FRK: variants seen among roughly 807,000 people sequenced by gnomAD.
FRK encodes the protein tyrosine-protein kinase FRK.
In FRK, 51 loss-of-function variants were observed where a neutral mutation model predicts 56.4. That is an observed-to-expected ratio of 0.90 (90% confidence interval 0.72 to 1.14). FRK has a LOEUF of 1.14. Among genes scored for constraint, FRK ranks in the 50% most tolerant of loss-of-function variants. The pLI is 0.00. For missense variants in FRK, 570 were observed against 601.4 expected (o/e 0.95, Z 0.55); for synonymous variants, 245 against 217.9 (o/e 1.12, Z -1.10).
intron 5 of FRK, among the ~76,000 whole-genome samples, chr6:115,952,479 G>T (rs2114542429): frequency 6.6e-6 from 1 of 152,210 alleles, no homozygotes; most frequent in African/African-American, 2.4e-5. Flanking sequence ...TGGTGGGACT[G>T]TAAACTAGTT....
chr6:116,039,092 G>A (rs1776609821), intron 1 of FRK: 2 of 785,668 alleles, frequency 2.5e-6, no homozygotes, highest in African/African-American at 1.7e-5. Context: ...GCAGAAAGTG[G>A]CCCATGCTCT....
intron 2 of FRK, among the ~76,000 whole-genome samples, chr6:115,995,352 A>G (rs1156677606): frequency 6.6e-6 from 1 of 152,186 alleles, no homozygotes; most frequent in Non-Finnish European, 1.5e-5. Flanking sequence ...GGGGTAGAAT[A>G]TATCATGAAT....
At chr6:116,092,716 C>G in the FRK span, among the ~76,000 whole-genome samples, 1 of 152,178 alleles carries the variant, frequency 6.6e-6, no homozygotes. Flanking sequence ...TCTGCTGCTG[C>G]GTCGGTGAGT....
At chr6:116,011,780 G>T (rs1381799514) in intron 1 of FRK, among the ~76,000 whole-genome samples, 1 of 152,094 alleles carries the variant, frequency 6.6e-6, no homozygotes, top group African/African-American at 2.4e-5. Flanking sequence ...CATGCCCCTT[G>T]AACTATTATG....
At chr6:116,005,385 C>T (rs1775210896) in intron 1 of FRK, among the ~76,000 whole-genome samples, 1 of 152,156 alleles carries the variant, frequency 6.6e-6, no homozygotes, top group African/African-American at 2.4e-5. Context: ...CTCCATGCTT[C>T]CATGATTGCT....
intron 1 of FRK, among the ~76,000 whole-genome samples, chr6:116,025,375 A>G (rs768239729): frequency 1.6e-4 from 25 of 152,218 alleles, no homozygotes; most frequent in Non-Finnish European, 3.4e-4. Flanking sequence ...TGAAAAGTAA[A>G]CAAAAATGTA....
chr6:116,043,636 G>A (rs1307285990), intron 1 of FRK, among the ~76,000 whole-genome samples: 1 of 152,050 alleles, frequency 6.6e-6, no homozygotes, highest in East Asian at 1.9e-4. Flanking sequence ...AAGGAAGCGG[G>A]AAAGATCTAA....
chr6:116,030,240 G>C (rs1392676455), intron 1 of FRK, among the ~76,000 whole-genome samples: 2 of 152,108 alleles, frequency 1.3e-5, no homozygotes, highest in Non-Finnish European at 2.9e-5. Context: ...AGAGGTAAGG[G>C]AGAGAGGATG....
At chr6:116,035,959 GCTAT>G (rs1401414752) in intron 1 of FRK, among the ~76,000 whole-genome samples, 6 of 151,816 alleles carry the variant, frequency 4.0e-5, no homozygotes, top group Non-Finnish European at 5.9e-5. Flanking sequence ...ATCCTGTAAT[GCTAT>G]CTATTTTCTT....
chr6:116,029,650 A>ATT (rs1562294567), intron 1 of FRK, among the ~76,000 whole-genome samples: 1 of 152,134 alleles, frequency 6.6e-6, no homozygotes, highest in Non-Finnish European at 1.5e-5. Context: ...ATTTACATTA[A>ATT]CTATTCATCT....
At chr6:116,063,750 A>T (rs1777699172), upstream of FRK, among the ~76,000 whole-genome samples, 1 of 152,244 alleles carries the variant, frequency 6.6e-6, no homozygotes, top group Non-Finnish European at 1.5e-5. Context: ...TGTCAATATC[A>T]GGTAAAAATA....
chr6:116,085,858 T>C, the FRK span, among the ~76,000 whole-genome samples: 2 of 152,306 alleles, frequency 1.3e-5, no homozygotes, highest in South Asian at 2.1e-4. Context: ...AGAAAGAAAA[T>C]GGACATGTTT....
At chr6:115,979,503 C>T (rs80243394) in intron 2 of FRK, among the ~76,000 whole-genome samples, 15,298 of 151,904 alleles carry the variant, frequency 0.1, 893 homozygotes, top group South Asian at 0.15. Flanking sequence ...TTATAGTAAG[C>T]TAAAGTTCAT....
At chr6:116,002,797 T>G (rs1193936885) in intron 2 of FRK, 1 of 436,972 alleles carries the variant, frequency 2.3e-6, no homozygotes, top group Non-Finnish European at 4.7e-6. Context: ...CGGCAACACC[T>G]GCCTCAAAAC....
At chr6:116,034,755 AC>A (rs1382121137) in intron 1 of FRK, among the ~76,000 whole-genome samples, 1 of 152,186 alleles carries the variant, frequency 6.6e-6, no homozygotes, top group African/African-American at 2.4e-5. Flanking sequence ...GAGAAGTTTT[AC>A]CCTGGATACT....
intron 1 of FRK, among the ~76,000 whole-genome samples, chr6:116,033,835 C>T (rs1776380214): frequency 6.6e-6 from 1 of 152,086 alleles, no homozygotes; most frequent in Non-Finnish European, 1.5e-5. Flanking sequence ...GTAAGGGTTA[C>T]ATCACAGAGG....
chr6:116,050,744 T>C (rs1460070969), intron 1 of FRK, among the ~76,000 whole-genome samples: 1 of 152,212 alleles, frequency 6.6e-6, no homozygotes, highest in Non-Finnish European at 1.5e-5. Flanking sequence ...ACAAAAACAG[T>C]GTCTTTAATA....
Position 116,048,373 on chromosome 6 carries a change from C to T in FRK, c.344+11595G>A, listed in dbSNP as rs138613541. 3.9e-5 allele frequency among the ~76,000 whole-genome samples: 6 copies of T among 152,256 alleles called. No homozygotes were observed. The East Asian group carries it at 1.2e-3, about 29-fold the overall frequency. ...CACATGTATTTATCTTAATGTTTCACCTGGTCCCAAGTTACATTTTTTGTT... is the reference window on the plus strand; with the variant it reads ...CACATGTATTTATCTTAATGTTTCATCTGGTCCCAAGTTACATTTTTTGTT... On this transcript the variant is annotated intron_variant, in intron 1 of 7. Transcript: ENST00000606080.
At chr6:116,089,829 C>T in the FRK span, among the ~76,000 whole-genome samples, 6 of 152,058 alleles carry the variant, frequency 3.9e-5, no homozygotes, top group East Asian at 3.9e-4. Context: ...GACTTTTGGA[C>T]GGACACATTT....
Sources: gnomAD v4.1 joint callset for allele counts (sites outside exome capture counted in the v4.1 genomes callset) on GRCh38, gnomAD v4.1.1 for gene constraint, MANE v1.5 for transcripts, NCBI Gene and HGNC (gene_info 2026-07-23, HGNC 2026-07-21) for gene names.